Variants in CSF1R observed in about 807,000 individuals in gnomAD.
CSF1R encodes macrophage colony-stimulating factor 1 receptor.
In CSF1R, 40 loss-of-function variants were observed where a neutral mutation model predicts 110.0. That is an observed-to-expected ratio of 0.36 (90% CI 0.28 to 0.47). The LOEUF is 0.47. Ranked by LOEUF, CSF1R falls within the 20% of genes least tolerant of loss-of-function variation. The pLI is 0.99. For synonymous variants in CSF1R, 523 were observed against 503.4 expected (o/e 1.04, Z -0.52); for missense variants, 1,052 against 1,253.0 (o/e 0.84, Z 2.42).
intron 1 of CSF1R, among the ~76,000 whole-genome samples, chr5:150,099,519 T>C (rs1214333697): frequency 6.6e-6 from 1 of 152,224 alleles, no homozygotes; most frequent in East Asian, 1.9e-4. Flanking sequence ...AACTGTGGTA[T>C]ATCCATACAA....
intron 19 of CSF1R, 136 bp downstream of exon 19, chr5:150,055,101 T>G: frequency 1.4e-6 from 1 of 719,560 alleles, no homozygotes. Flanking sequence ...AGGGGCTTGT[T>G]GTGTCCACTA....
intron 4 of CSF1R, among the ~76,000 whole-genome samples, 192 bp downstream of exon 4, chr5:150,077,920 A>C (rs987020219): frequency 6.7e-6 from 1 of 148,962 alleles, no homozygotes; most frequent in African/African-American, 2.5e-5. Context: ...CGGCACAAGC[A>C]TGAGTCCTGA....
At chr5:150,087,636 C>T (rs539226437), upstream of CSF1R, among the ~76,000 whole-genome samples, 19 of 152,162 alleles carry the variant, frequency 1.2e-4, no homozygotes, top group Non-Finnish European at 1.9e-4. Context: ...TTCCTTTGCT[C>T]CCTCTTTTCC....
intron 13 of CSF1R, among the ~76,000 whole-genome samples, chr5:150,060,422 T>C (rs1288034014): frequency 6.6e-6 from 1 of 151,922 alleles, no homozygotes; most frequent in Non-Finnish European, 1.5e-5. Context: ...GGCGGCTCAC[T>C]GTAGGTCAGA....
chr5:150,092,172 C>T (rs1050345908), intron 1 of CSF1R, among the ~76,000 whole-genome samples: 64 of 152,266 alleles, frequency 4.2e-4, no homozygotes, highest in African/African-American at 1.4e-3. Context: ...CTATTGAGCA[C>T]GCTATGTTCC....
chr5:150,075,567 G>A (rs952545075), intron 5 of CSF1R, among the ~76,000 whole-genome samples: 1 of 152,120 alleles, frequency 6.6e-6, no homozygotes, highest in Non-Finnish European at 1.5e-5. Context: ...GATCTTCCTT[G>A]GTGAACACCC....
At position 150,078,240 on chromosome 5, in the gene CSF1R, C is replaced by G. The variant is rs1161693014; in HGVS notation, c.601G>C (p.Gly201Arg). ...GGCACCAGTGTCAAGGCTGGGGGCC[C>G]TGGGATGACTGAGACCGGGGGAGAG... ...IRLKVQKVIP[G>R]PPALTLVPAE... The change falls in exon 4 of 21, where the codon GGG (glycine) becomes CGG (arginine). Residue 201 changes from glycine (G) to arginine (R), a missense_variant. By Grantham distance (125) the Gly-to-Arg change is moderately radical. Around this residue, in one of 5 missense-constraint regions of CSF1R, gnomAD observed 693 missense variants for 735.4 expected, o/e 0.94. Coordinates refer to ENST00000675795, the MANE Select transcript of CSF1R (RefSeq NM_001288705.3). The G allele has an allele frequency of 6.2e-6, 10 of 1,613,954 alleles. No homozygotes were observed. The African/African-American group carries it at 6.7e-5, about 11-fold the overall frequency.
At chr5:150,099,167 C>G (rs1759321193) in intron 1 of CSF1R, among the ~76,000 whole-genome samples, 1 of 151,590 alleles carries the variant, frequency 6.6e-6, no homozygotes, top group Admixed American at 6.6e-5. Context: ...CTCGGCCTCC[C>G]AAAGTGCTGG....
rs1757004008 is a variant in CSF1R at position 150,053,323 on chromosome 5, C to T, written c.*746G>A. ...ATTAATGCTGTTAGTTTAATGTGGA[C>T]AGAGACATCCCACGGCGTGACTGTT... is the stretch of plus-strand genomic sequence containing the variant. On this transcript the variant is annotated 3_prime_UTR_variant, in exon 21 of 21. Coordinates refer to ENST00000675795, the MANE Select transcript of CSF1R (RefSeq NM_001288705.3). 8.6e-6 allele frequency: 2 copies of T among 233,438 alleles called. No individual in the cohort carries two copies. The highest frequency in any genetic ancestry group is 8.5e-6 in the Non-Finnish European group (1 of 117,982). 14.5% of individuals were successfully genotyped at this position (233,438 alleles called of 1,614,324 possible). A position where few individuals can be genotyped will look rare whatever the true frequency, so the allele number is the denominator to read the frequency against.
At chr5:150,083,061 G>C (rs1156699587) in intron 1 of CSF1R, among the ~76,000 whole-genome samples, 1 of 152,038 alleles carries the variant, frequency 6.6e-6, no homozygotes, top group Non-Finnish European at 1.5e-5. Flanking sequence ...TATTGTCCCA[G>C]GTATTCACGC....
Position 150,054,538 on chromosome 5 carries a change from A to G in CSF1R, c.2655-108T>C, listed in dbSNP as rs1046015790. 6.7e-5 allele frequency: 57 copies of G among 856,228 alleles called. No individual in the cohort carries two copies. In the African/African-American group the frequency reaches 9.2e-4, roughly 14 times the overall value. The allele number at this position is 856,228 out of a possible 1,614,324, so 53.0% of individuals were successfully genotyped here. A position where few individuals can be genotyped will look rare whatever the true frequency, so the allele number is the denominator to read the frequency against. On this transcript the variant is annotated intron_variant, in intron 19 of 20. Transcript: ENST00000675795. ...CAGCAGAGGTCCCCAAACCCAGTCA[A>G]AGTAAGTTTAGTATAAAACCTATGC... is the stretch of plus-strand genomic sequence containing the variant.
In CSF1R at chr5:150,054,405, C is replaced by A; in HGVS notation, c.2680G>T (p.Ala894Ser). ...NIYSIMQACW[A>S]LEPTHRPTFQ... ...GTGGGTCTGTGGGTGGGCTCCAAGG[C>A]CCAGCAGGCCTGCATGATGCTGTAT... is the stretch of plus-strand genomic sequence containing the variant. The change falls in exon 20 of 21, where the codon GCC becomes TCC. Residue 894 changes from alanine to serine, a missense_variant. By Grantham distance (99) the Ala-to-Ser change is moderately conservative. Transcript: ENST00000675795. The A allele has an allele frequency of 6.2e-7, 1 of 1,613,484 alleles. No homozygotes were observed. Among genetic ancestry groups the A allele is most frequent in the Non-Finnish European group, 8.5e-7 (1 of 1,179,742 alleles).
chr5:150,101,012 A>G (rs912429126), intron 1 of CSF1R, among the ~76,000 whole-genome samples: 3 of 151,700 alleles, frequency 2.0e-5, no homozygotes, highest in African/African-American at 4.8e-5. Context: ...AATGGTCCCA[A>G]TTCTTCATTC....
At position 150,072,386 on chromosome 5, in the gene CSF1R, C is replaced by T. The variant is rs765833557; in HGVS notation, c.1082+915G>A. 6.6e-5 allele frequency among the ~76,000 whole-genome samples: 10 copies of T among 151,958 alleles called. 1 individual carries two copies. The highest frequency in any genetic ancestry group is 9.7e-5 in the African/African-American group (4 of 41,366). ...GTGGGCATCTGTAATCCCAGCTACT[C>T]GGGAGGCTGAGGCAGGAGAATCACT... On this transcript the variant is annotated intron_variant, in intron 6 of 20. Transcript: ENST00000675795.
upstream of CSF1R, among the ~76,000 whole-genome samples, chr5:150,090,451 C>A (rs1397826748): frequency 6.6e-6 from 1 of 152,180 alleles, no homozygotes; most frequent in Non-Finnish European, 1.5e-5. Flanking sequence ...AAGCCCTCCC[C>A]AAACCCCTTA....
intron 11 of CSF1R, 33 bp from the exon 12 acceptor site, chr5:150,061,628 G>A (rs1200970837): frequency 3.1e-6 from 5 of 1,613,912 alleles, no homozygotes; most frequent in South Asian, 1.1e-5. Context: ...AAGTCCCTGG[G>A]CACCAAAGGG....
chr5:150,109,063 C>CT (rs1554106356), intron 1 of CSF1R, among the ~76,000 whole-genome samples: 2 of 126,896 alleles, frequency 1.6e-5, no homozygotes, highest in African/African-American at 3.0e-5. Context: ...AGCCCGCCCC[C>CT]CCCCCACCAC....
intron 12 of CSF1R, 54 bp downstream of exon 12, chr5:150,061,437 A>ACCCC: frequency 7.0e-6 from 2 of 285,840 alleles, no homozygotes; most frequent in Admixed American, 5.3e-5. Flanking sequence ...GGGCCAGCCC[A>ACCCC]CCCCCAGCAT....
intron 10 of CSF1R, among the ~76,000 whole-genome samples, chr5:150,066,774 G>A (rs1054089554): frequency 6.6e-6 from 1 of 152,136 alleles, no homozygotes; most frequent in East Asian, 1.9e-4. Context: ...ACACAAGATG[G>A]GTCATTCAGT....
Sources: gnomAD v4.1 joint callset for allele counts (sites outside exome capture counted in the v4.1 genomes callset) on GRCh38, gnomAD v4.1.1 for gene constraint, gnomAD v4.1.1 regional missense constraint, MANE v1.5 for transcripts, NCBI Gene and HGNC (gene_info 2026-07-23, HGNC 2026-07-21) for gene names.